The following NKAIN3 variants were observed in gnomAD, a reference collection of about 807,000 sequenced individuals.
NKAIN3 encodes sodium/potassium-transporting ATPase subunit beta-1-interacting protein 3.
In NKAIN3, 25 loss-of-function variants were observed where a neutral mutation model predicts 30.2. The ratio of observed to expected loss-of-function variants is 0.83; its 90% CI spans 0.60 to 1.16. The LOEUF is 1.16. Among genes scored for constraint, NKAIN3 ranks in the 50% most tolerant of loss-of-function variants. The probability of loss-of-function intolerance (pLI) is 0.00; values close to 1 mark genes in which losing one functional copy is unlikely to be tolerated. For synonymous variants in NKAIN3, 91 were observed against 89.6 expected (o/e 1.02, Z -0.09); for missense variants, 225 against 254.1 (o/e 0.89, Z 0.78).
At chr8:62,348,594 A>T (rs7818630) in intron 1 of NKAIN3, among the ~76,000 whole-genome samples, 5,947 of 152,216 alleles carry the variant, frequency 0.039, 417 homozygotes, top group African/African-American at 0.14. Context: ...TAGGCTGCTC[A>T]ATGGGACTAT....
At chr8:62,835,034 C>T (rs1191254901) in intron 4 of NKAIN3, among the ~76,000 whole-genome samples, 1 of 151,992 alleles carries the variant, frequency 6.6e-6, no homozygotes, top group African/African-American at 2.4e-5. Flanking sequence ...CAAGTGCAAC[C>T]ATCTGACTTT....
chr8:62,567,169 A>C (rs184126785), intron 1 of NKAIN3, among the ~76,000 whole-genome samples: 168 of 152,114 alleles, frequency 1.1e-3, no homozygotes, highest in African/African-American at 3.9e-3. Context: ...GGTGTGGGAG[A>C]AGTCCTGGTC....
intron 1 of NKAIN3, among the ~76,000 whole-genome samples, chr8:62,371,270 T>G (rs1304025823): frequency 3.3e-5 from 5 of 151,984 alleles, no homozygotes; most frequent in African/African-American, 1.2e-4. Context: ...AAACAATTTT[T>G]TTTCTTAATT....
At chr8:62,828,074 T>C (rs1661610166) in intron 4 of NKAIN3, among the ~76,000 whole-genome samples, 1 of 151,210 alleles carries the variant, frequency 6.6e-6, no homozygotes, top group African/African-American at 2.4e-5. Context: ...GCAATACTAC[T>C]CAGTAGTAAA....
chr8:62,858,386 A>G (rs1327561831), intron 4 of NKAIN3, among the ~76,000 whole-genome samples: 6 of 152,198 alleles, frequency 3.9e-5, no homozygotes, highest in Non-Finnish European at 5.9e-5. Flanking sequence ...ATAGAGCAGC[A>G]TGCGTGTTGG....
intron 1 of NKAIN3, among the ~76,000 whole-genome samples, chr8:62,273,830 A>G (rs1812846497): frequency 6.6e-6 from 1 of 152,164 alleles, no homozygotes; most frequent in Non-Finnish European, 1.5e-5. Context: ...ACACCTTACT[A>G]CGGTTCTGAA....
chr8:62,762,012 G>C (rs745881451), intron 4 of NKAIN3, among the ~76,000 whole-genome samples: 1 of 152,166 alleles, frequency 6.6e-6, no homozygotes, highest in Non-Finnish European at 1.5e-5. Flanking sequence ...AGCCTAGGCA[G>C]ACTTCTCTTA....
intron 3 of NKAIN3, among the ~76,000 whole-genome samples, chr8:62,590,612 AC>A (rs1231446141): frequency 1.3e-5 from 2 of 151,926 alleles, no homozygotes; most frequent in African/African-American, 2.4e-5. Flanking sequence ...AACTTATTCT[AC>A]TGCTTTATAA....
intron 3 of NKAIN3, among the ~76,000 whole-genome samples, chr8:62,663,212 T>C (rs755057680): frequency 5.3e-5 from 8 of 152,290 alleles, no homozygotes; most frequent in Admixed American, 1.3e-4. Flanking sequence ...GGATATCATA[T>C]TGAGTTTAGG....
chr8:62,265,041 A>T (rs1812562239), intron 1 of NKAIN3, among the ~76,000 whole-genome samples: 1 of 152,230 alleles, frequency 6.6e-6, no homozygotes, highest in Admixed American at 6.5e-5. Flanking sequence ...TATCAGAAGC[A>T]TACAGCTCAT....
chr8:62,663,688 C>A (rs1813011899), intron 3 of NKAIN3, among the ~76,000 whole-genome samples: 1 of 152,174 alleles, frequency 6.6e-6, no homozygotes, highest in Non-Finnish European at 1.5e-5. Context: ...TTAAACAGTG[C>A]TTTCTATATA....
At chr8:62,609,794 A>C (rs1000184446) in intron 3 of NKAIN3, among the ~76,000 whole-genome samples, 11 of 152,172 alleles carry the variant, frequency 7.2e-5, no homozygotes, top group African/African-American at 2.7e-4. Flanking sequence ...CATGTTTGGC[A>C]TGCACAAAGA....
At chr8:62,560,356 C>G (rs1263511379) in intron 1 of NKAIN3, among the ~76,000 whole-genome samples, 1 of 151,814 alleles carries the variant, frequency 6.6e-6, no homozygotes, top group Non-Finnish European at 1.5e-5. Flanking sequence ...TATTTTTTAG[C>G]CTTACCCTGT....
intron 1 of NKAIN3, among the ~76,000 whole-genome samples, chr8:62,480,380 A>G (rs1434123102): frequency 6.6e-6 from 1 of 152,144 alleles, no homozygotes; most frequent in Non-Finnish European, 1.5e-5. Context: ...TATCCTAAAT[A>G]TATACAATTT....
chr8:62,489,844 C>T (rs1279729702), intron 1 of NKAIN3, among the ~76,000 whole-genome samples: 1 of 152,128 alleles, frequency 6.6e-6, no homozygotes, highest in African/African-American at 2.4e-5. Flanking sequence ...GTGACCTTCA[C>T]CAAGGTGTGC....
intron 4 of NKAIN3, among the ~76,000 whole-genome samples, chr8:62,903,105 G>A (rs1415503199): frequency 1.3e-5 from 2 of 152,144 alleles, no homozygotes; most frequent in Non-Finnish European, 2.9e-5. Flanking sequence ...ATACACATAA[G>A]GGCAGTAAAT....
At chr8:62,573,361 A>G (rs763503669) in intron 1 of NKAIN3, among the ~76,000 whole-genome samples, 10 of 152,116 alleles carry the variant, frequency 6.6e-5, no homozygotes, top group Non-Finnish European at 1.0e-4. Context: ...TGCAACTACA[A>G]TGTTTCCTGT....
chr8:62,467,675 T>C (rs1425896218), intron 1 of NKAIN3, among the ~76,000 whole-genome samples: 1 of 152,182 alleles, frequency 6.6e-6, no homozygotes, highest in South Asian at 2.1e-4. Flanking sequence ...TCTCAGTGAA[T>C]TATTTTTACA....
At chr8:62,254,055 C>G (rs1231774134) in intron 1 of NKAIN3, among the ~76,000 whole-genome samples, 6 of 151,860 alleles carry the variant, frequency 4.0e-5, no homozygotes, top group Non-Finnish European at 8.8e-5. Flanking sequence ...ACTAATGAGA[C>G]TTGAGTTATA....
Sources: gnomAD v4.1 joint callset for allele counts (sites outside exome capture counted in the v4.1 genomes callset) on GRCh38, gnomAD v4.1.1 for gene constraint, MANE v1.5 for transcripts, NCBI Gene and HGNC (gene_info 2026-07-23, HGNC 2026-07-21) for gene names.